The following ZNF678 variants were observed in gnomAD, a reference collection of about 807,000 sequenced individuals.
The protein encoded by ZNF678 is zinc finger protein 678.
In ZNF678, 5 loss-of-function variants were observed where a neutral mutation model predicts 3.0. The observed-to-expected ratio is 1.69, with a 90% confidence interval of 0.88 to 3.56. ZNF678 has a LOEUF of 3.56. ZNF678 is among the 30% of genes most tolerant of loss of function. ZNF678 has a pLI of 0.00. For missense variants in ZNF678, 593 were observed against 605.0 expected (o/e 0.98, Z 0.21); for synonymous variants, 218 against 199.6 (o/e 1.09, Z -0.78).
intron 1 of ZNF678, among the ~76,000 whole-genome samples, chr1:227,634,280 G>A (rs2102784047): frequency 6.6e-6 from 1 of 152,288 alleles, no homozygotes; most frequent in Admixed American, 6.5e-5. Context: ...GGCTTCAGGT[G>A]AGACTCAGCA....
intron 1 of ZNF678, among the ~76,000 whole-genome samples, chr1:227,630,569 A>G (rs1489710317): frequency 6.6e-6 from 1 of 152,216 alleles, no homozygotes; most frequent in East Asian, 1.9e-4. Flanking sequence ...AAACATCAGT[A>G]TAGCCATCAG....
chr1:227,639,410 G>A (rs1257855942), intron 1 of ZNF678, among the ~76,000 whole-genome samples: 4 of 152,230 alleles, frequency 2.6e-5, no homozygotes, highest in East Asian at 1.9e-4. Flanking sequence ...AAGTCTCACC[G>A]TGGGGTTTGA....
At chr1:227,573,553 T>C (rs891692518) in intron 1 of ZNF678, among the ~76,000 whole-genome samples, 2 of 152,242 alleles carry the variant, frequency 1.3e-5, no homozygotes, top group African/African-American at 4.8e-5. Context: ...ATACCTAACA[T>C]ATATAAGGGT....
At chr1:227,617,124 C>T (rs993301539) in intron 1 of ZNF678, among the ~76,000 whole-genome samples, 1 of 152,178 alleles carries the variant, frequency 6.6e-6, no homozygotes, top group Non-Finnish European at 1.5e-5. Context: ...CACTACTTTT[C>T]TTTTGATAGA....
intron 1 of ZNF678, among the ~76,000 whole-genome samples, chr1:227,606,481 A>G (rs1300988505): frequency 6.6e-6 from 1 of 152,236 alleles, no homozygotes; most frequent in Non-Finnish European, 1.5e-5. Flanking sequence ...GAATAGAACA[A>G]ATGGTCGGCT....
intron 1 of ZNF678, among the ~76,000 whole-genome samples, chr1:227,590,752 C>T (rs1244344952): frequency 4.0e-5 from 6 of 151,652 alleles, no homozygotes; most frequent in South Asian, 2.1e-4. Context: ...CATTATAGCC[C>T]GGTGGGGGCC....
At chr1:227,629,287 G>A (rs1460572745) in intron 1 of ZNF678, among the ~76,000 whole-genome samples, 1 of 152,172 alleles carries the variant, frequency 6.6e-6, no homozygotes, top group Admixed American at 6.5e-5. Flanking sequence ...TCCTTCTGTT[G>A]CCCAGACTTC....
chr1:227,574,152 A>G (rs779305016), intron 1 of ZNF678, among the ~76,000 whole-genome samples: 1 of 152,186 alleles, frequency 6.6e-6, no homozygotes, highest in Non-Finnish European at 1.5e-5. Context: ...ATTTGTCTTT[A>G]TAATAGAATG....
chr1:227,596,590 ACTT>A (rs763838058), intron 1 of ZNF678, among the ~76,000 whole-genome samples: 5 of 152,034 alleles, frequency 3.3e-5, no homozygotes, highest in Admixed American at 6.6e-5. Context: ...TTTAGTTTTT[ACTT>A]CTTCTTTCTT....
chr1:227,601,116 A>G (rs1483451209), intron 1 of ZNF678, among the ~76,000 whole-genome samples: 1 of 151,772 alleles, frequency 6.6e-6, no homozygotes, highest in South Asian at 2.1e-4. Flanking sequence ...TCATGTGTCT[A>G]TGTTTCTGTT....
chr1:227,655,287 A>C lies in ZNF678; in HGVS notation c.1037A>C (p.Glu346Ala). The C allele has an allele frequency of 6.2e-7, 1 of 1,611,350 alleles. No individual in the cohort carries two copies. The highest frequency in any genetic ancestry group is 8.5e-7 in the Non-Finnish European group (1 of 1,178,292). Residue 346 changes from glutamate to alanine, a missense_variant, in exon 4 of 4, where the codon GAG (glutamate) becomes GCG (alanine). Coordinates refer to ENST00000343776, the MANE Select transcript of ZNF678 (RefSeq NM_001367909.1). ...AGCCATAAGAGAATTCATACTGGAG[A>C]GAAACCCTACAAATGTGAAGAATGT... ...LSSHKRIHTG[E>A]KPYKCEECGR...
At chr1:227,665,369 T>G (rs959539054), downstream of ZNF678, among the ~76,000 whole-genome samples, 1 of 152,224 alleles carries the variant, frequency 6.6e-6, no homozygotes, top group Non-Finnish European at 1.5e-5. Flanking sequence ...TCAGGTGGTG[T>G]GCAGCATCCA....
intron 1 of ZNF678, among the ~76,000 whole-genome samples, chr1:227,579,971 A>G (rs1657084531): frequency 6.6e-6 from 1 of 151,942 alleles, no homozygotes; most frequent in African/African-American, 2.4e-5. Context: ...ATCTCTACCA[A>G]GTAGGGGTTG....
intron 1 of ZNF678, among the ~76,000 whole-genome samples, chr1:227,603,062 A>G (rs1298296462): frequency 1.3e-5 from 2 of 151,816 alleles, no homozygotes; most frequent in Non-Finnish European, 2.9e-5. Flanking sequence ...ATCTTCCTGG[A>G]ATGGGCTGCT....
chr1:227,639,633 A>T (rs1658768518), intron 1 of ZNF678, among the ~76,000 whole-genome samples: 5 of 152,168 alleles, frequency 3.3e-5, no homozygotes, highest in Admixed American at 3.3e-4. Flanking sequence ...GAGTGCTGCA[A>T]GGAGACACAC....
In ZNF678 at chr1:227,638,771, G is replaced by T. The variant is rs1288913338; in HGVS notation, c.-163-7773G>T. On this transcript the variant is annotated intron_variant, in intron 1 of 3. Transcript: ENST00000343776. The surrounding 1 kb of genome is among the most constrained non-coding windows in gnomAD (Gnocchi z 4.2). ...TGAGGGCAGAACTAAGAAAGAGTGAGTGAAGGAAAAGGTTACGTGTAGGGA... is the reference window on the plus strand; with the variant it reads ...TGAGGGCAGAACTAAGAAAGAGTGATTGAAGGAAAAGGTTACGTGTAGGGA... 6.6e-6 allele frequency among the ~76,000 whole-genome samples: 1 copy of T among 152,108 alleles called. No individual in the cohort carries two copies. Among genetic ancestry groups the T allele is most frequent in the Non-Finnish European group, 1.5e-5 (1 of 68,020 alleles).
chr1:227,635,819 C>T (rs1571903535), intron 1 of ZNF678, among the ~76,000 whole-genome samples: 1 of 151,938 alleles, frequency 6.6e-6, no homozygotes, highest in East Asian at 1.9e-4. Context: ...AGCCTTGCAC[C>T]GTGGGACTGG....
rs924731607 is a variant in ZNF678 at position 227,661,421 on chromosome 1, GA to G, written c.*5594del. The G allele has an allele frequency of 5.8e-4, 89 of 152,188 alleles. No homozygotes were observed. The highest frequency in any genetic ancestry group is 1.8e-3 in the African/African-American group (76 of 41,514). 9.4% of individuals were successfully genotyped at this position (152,188 alleles called of 1,614,324 possible). On this transcript the variant is annotated 3_prime_UTR_variant, in exon 4 of 4. Coordinates refer to ENST00000343776, the MANE Select transcript of ZNF678 (RefSeq NM_001367909.1). ...CAAATGCAAAAATGGACTTGTTTTT[GA>G]TATGCTTTTCCCAACAATAAGGGAC...
chr1:227,605,805 T>C (rs1657852804), intron 1 of ZNF678, among the ~76,000 whole-genome samples: 1 of 152,210 alleles, frequency 6.6e-6, no homozygotes, highest in South Asian at 2.1e-4. Flanking sequence ...CCTGTGACAC[T>C]TCACCACTAT....
Sources: gnomAD v4.1 joint callset for allele counts (sites outside exome capture counted in the v4.1 genomes callset) on GRCh38, gnomAD v4.1.1 for gene constraint, Gnocchi (gnomAD v3.1) non-coding constraint, MANE v1.5 for transcripts, NCBI Gene and HGNC (gene_info 2026-07-23, HGNC 2026-07-21) for gene names.